VPS53: variants seen among roughly 807,000 people sequenced by gnomAD.
VPS53 encodes VPS53 subunit of GARP complex.
VPS53 carries 70 observed loss-of-function variants against 107.0 expected under a neutral mutation model. The observed-to-expected ratio is 0.65, with a 90% CI of 0.54 to 0.80. VPS53 has a LOEUF of 0.80. Among genes scored for constraint, VPS53 ranks in the 30% least tolerant of loss-of-function variants. VPS53 has a pLI of 0.00. For missense variants in VPS53, 917 were observed against 1,049.4 expected, an observed-to-expected ratio of 0.87 and a Z score of 1.74; for synonymous variants, 409 against 393.3, an observed-to-expected ratio of 1.04 and a Z score of -0.47.
chr17:558,098 G>A (rs866742097), intron 15 of VPS53, among the ~76,000 whole-genome samples: 18 of 152,132 alleles, frequency 1.2e-4, no homozygotes, highest in Admixed American at 9.2e-4. Flanking sequence ...GGCCTCAAGC[G>A]ATCCTTCCAC....
At chr17:650,785 G>A (rs59155571) in intron 7 of VPS53, among the ~76,000 whole-genome samples, 5,518 of 152,218 alleles carry the variant, frequency 0.036, 135 homozygotes, top group East Asian at 0.07. Context: ...CATATTTTAA[G>A]AATTAGAAAC....
rs189850876 is a variant in VPS53, at chr17:672,887, T to C, written c.286-10992A>G. On this transcript the variant is annotated intron_variant, in intron 4 of 21. Transcript: ENST00000437048. ...CAGCACTGTGGGAGGCTGAGGAAGG[T>C]GGATCACGAGGTCAGGAGATCGAGA... Among the ~76,000 whole-genome samples the C allele has an allele frequency of 4.3e-3, 651 of 152,004 alleles. 10 individuals are homozygous for C. The East Asian group carries it at 0.052, about 12-fold the overall frequency.
intron 2 of VPS53, among the ~76,000 whole-genome samples, chr17:702,528 T>C (rs1006240416): frequency 4.0e-5 from 6 of 151,264 alleles, no homozygotes; most frequent in African/African-American, 1.5e-4. Flanking sequence ...TAGCCGGGCG[T>C]GGTGGCAGGT....
chr17:596,810 T>C (rs190762424), intron 12 of VPS53, among the ~76,000 whole-genome samples: 116 of 152,304 alleles, frequency 7.6e-4, no homozygotes, highest in South Asian at 3.7e-3. Context: ...CATTTAGCAG[T>C]AATGTTTGGG....
Position 623,908 on chromosome 17 carries a change from T to C in VPS53, c.975-234A>G, listed in dbSNP as rs561551947. Among the ~76,000 whole-genome samples, 4 of 152,042 alleles carry C rather than the reference T, an allele frequency of 2.6e-5. No individual in the cohort carries two copies. The East Asian group carries it at 5.8e-4, about 22-fold the overall frequency. ...AAAAAATCAGGGGTCATGGATGATATATATATACTTATATTTATTTGTTTG... is the reference window on the plus strand; with the variant it reads ...AAAAAATCAGGGGTCATGGATGATACATATATACTTATATTTATTTGTTTG... On this transcript the variant is annotated intron_variant, in intron 10 of 21. Transcript: ENST00000437048.
intron 18 of VPS53, 28 bp downstream of exon 18, chr17:537,000 C>A (rs752310520): frequency 1.8e-5 from 29 of 1,612,410 alleles, no homozygotes; most frequent in Non-Finnish European, 2.4e-5. Flanking sequence ...GAACAAGAAC[C>A]CAGAGATGAG....
At chr17:619,073 A>C (rs540808069) in intron 11 of VPS53, among the ~76,000 whole-genome samples, 60 of 138,236 alleles carry the variant, frequency 4.3e-4, no homozygotes, top group Middle Eastern at 0.011. Flanking sequence ...CTGGGACTAC[A>C]GGCGTGCACC....
chr17:614,804 T>G (rs911544238), intron 11 of VPS53, among the ~76,000 whole-genome samples: 1 of 152,184 alleles, frequency 6.6e-6, no homozygotes, highest in Non-Finnish European at 1.5e-5. Flanking sequence ...ATCTTTAGAA[T>G]GTAATTCTAA....
At chr17:635,368 T>C (rs1483016213) in intron 7 of VPS53, among the ~76,000 whole-genome samples, 1 of 152,252 alleles carries the variant, frequency 6.6e-6, no homozygotes. Flanking sequence ...TTGATCATAG[T>C]TTCTTTTGCT....
chr17:598,501 C>T (rs1453933299), intron 12 of VPS53, among the ~76,000 whole-genome samples: 3 of 151,732 alleles, frequency 2.0e-5, no homozygotes, highest in African/African-American at 7.3e-5. Flanking sequence ...GCCGCCATCC[C>T]ACCTAGGAAG....
At chr17:599,116 C>G (rs1487237006) in intron 12 of VPS53, among the ~76,000 whole-genome samples, 2 of 142,350 alleles carry the variant, frequency 1.4e-5, no homozygotes, top group Non-Finnish European at 3.1e-5. Flanking sequence ...CCGCCCCGTC[C>G]GGGAGGGAGG....
chr17:550,269 G>A (rs1911704986), intron 17 of VPS53, among the ~76,000 whole-genome samples: 1 of 152,180 alleles, frequency 6.6e-6, no homozygotes, highest in Non-Finnish European at 1.5e-5. Flanking sequence ...TAAAGTTAGT[G>A]TTCCTCCCAC....
chr17:521,837 C>A, intron 19 of VPS53, 99 bp from the exon 20 acceptor site: 2 of 1,280,100 alleles, frequency 1.6e-6, no homozygotes, highest in Non-Finnish European at 1.0e-6. Context: ...ATACACGTAA[C>A]ACATTCTTGT....
intron 13 of VPS53, among the ~76,000 whole-genome samples, chr17:574,937 G>T (rs1914474094): frequency 6.6e-6 from 1 of 152,170 alleles, no homozygotes; most frequent in African/African-American, 2.4e-5. Context: ...GCCCCTCAGG[G>T]GTGTCTTAGT....
At position 519,887 on chromosome 17, in the gene VPS53, T is replaced by C. The variant is rs1434283483; in HGVS notation, c.2267A>G (p.Asn756Ser). The C allele has an allele frequency of 4.5e-6, 7 of 1,551,570 alleles. No homozygotes were observed. In the East Asian group the frequency reaches 9.8e-5, roughly 22 times the overall value. ...PHEPLVVFVD[N>S]YIKLLTDCNT... is the part of the protein sequence containing the mutation. ...GCAGTCTGTGAGAAGTTTGATGTAG[T>C]TGTCAACAAACACCACCAACGGTTC... The change falls in exon 21 of 22, where the codon AAC becomes AGC. Residue 756 changes from asparagine (N) to serine (S), a missense_variant. By Grantham distance (46) the Asn-to-Ser change is conservative. Transcript: ENST00000437048. The surrounding 1 kb of genome is among the most constrained non-coding windows in gnomAD (Gnocchi z 5.0).
chr17:676,634 T>A (rs1481149702), intron 4 of VPS53, among the ~76,000 whole-genome samples: 1 of 152,196 alleles, frequency 6.6e-6, no homozygotes. Context: ...ACTGCCAGTT[T>A]ATATGGAGAT....
At chr17:551,226 A>G (rs977383929) in intron 17 of VPS53, among the ~76,000 whole-genome samples, 1 of 152,200 alleles carries the variant, frequency 6.6e-6, no homozygotes, top group Non-Finnish European at 1.5e-5. Flanking sequence ...ATAAAAGCCA[A>G]AAATAGGAAC....
chr17:654,492 A>C (rs988729841), intron 6 of VPS53, among the ~76,000 whole-genome samples: 1 of 151,970 alleles, frequency 6.6e-6, no homozygotes, highest in Non-Finnish European at 1.5e-5. Context: ...TAATCCCAGC[A>C]CTTTGGGAGG....
At chr17:554,338 A>G (rs963538560) in intron 15 of VPS53, among the ~76,000 whole-genome samples, 1 of 152,212 alleles carries the variant, frequency 6.6e-6, no homozygotes, top group African/African-American at 2.4e-5. Context: ...ATACTTGGAG[A>G]TATCCCTGGG....
Sources: allele counts gnomAD v4.1 joint callset (sites outside exome capture counted in the v4.1 genomes callset), GRCh38; gene constraint gnomAD v4.1.1; non-coding constraint Gnocchi (gnomAD v3.1); transcripts MANE v1.5; gene names NCBI Gene and HGNC (gene_info 2026-07-23, HGNC 2026-07-21).